Variants in LLGL2 observed in about 807,000 individuals in gnomAD.
The protein encoded by LLGL2 is LLGL2, scribble cell polarity complex component.
In LLGL2, 81 loss-of-function variants were observed where a neutral mutation model predicts 123.2. That is an observed-to-expected ratio of 0.66 (90% CI 0.55 to 0.79). LLGL2 has a LOEUF of 0.79. Ranked by LOEUF, LLGL2 falls within the 30% of genes least tolerant of loss-of-function variation. LLGL2 has a pLI of 0.00. For synonymous variants in LLGL2, 577 were observed against 594.1 expected, an observed-to-expected ratio of 0.97 and a Z score of 0.42; for missense variants, 1,273 against 1,414.6, an observed-to-expected ratio of 0.90 and a Z score of 1.61.
chr17:75,536,542 G>C (rs2054009118), intron 1 of LLGL2, among the ~76,000 whole-genome samples: 1 of 152,198 alleles, frequency 6.6e-6, no homozygotes. Flanking sequence ...TGGCTGGAGA[G>C]GAGCCCACGC....
intron 18 of LLGL2, 34 bp downstream of exon 18, chr17:75,571,817 G>A (rs763417692): frequency 8.1e-6 from 13 of 1,602,076 alleles, no homozygotes; most frequent in Admixed American, 5.0e-5. Flanking sequence ...GAGGGTGCTC[G>A]GGCTGCCTGG....
At chr17:75,539,670 C>A (rs905321571) in intron 1 of LLGL2, among the ~76,000 whole-genome samples, 1 of 149,524 alleles carries the variant, frequency 6.7e-6, no homozygotes, top group Admixed American at 6.7e-5. Flanking sequence ...TGCAGTGGTG[C>A]GATCTCAGCT....
At chr17:75,538,244 G>A (rs1030761330) in intron 1 of LLGL2, among the ~76,000 whole-genome samples, 1 of 152,192 alleles carries the variant, frequency 6.6e-6, no homozygotes, top group African/African-American at 2.4e-5. Flanking sequence ...GAGGGCCAGT[G>A]ACATGGAGGA....
intron 10 of LLGL2, among the ~76,000 whole-genome samples, chr17:75,566,796 G>T (rs1661721): frequency 0.25 from 37,549 of 151,972 alleles, 4,680 homozygotes; most frequent in Non-Finnish European, 0.26. Context: ...TCAGCTGGGC[G>T]GGGATCAAGT....
At position 75,525,909 on chromosome 17, in the gene LLGL2, C is replaced by T. The variant is rs1161929251; in HGVS notation, c.-31+84C>T. On this transcript the variant is annotated intron_variant, in intron 1 of 25. Transcript: ENST00000392550. The surrounding 1 kb of genome is among the most constrained non-coding windows in gnomAD (Gnocchi z 4.8). Reference sequence around the variant, plus strand: ...GCGGGGAGGCCAGGGAGGCCCAGGACCCCTGGGCTGTCGGGCCAGGGCGGG... The same window carrying T: ...GCGGGGAGGCCAGGGAGGCCCAGGATCCCTGGGCTGTCGGGCCAGGGCGGG... 1 of 151,972 alleles carries T rather than the reference C, an allele frequency of 6.6e-6. No homozygotes were observed. Among genetic ancestry groups the T allele is most frequent in the African/African-American group, 2.4e-5 (1 of 41,382 alleles). The allele number at this position is 151,972 out of a possible 1,614,324, so 9.4% of individuals were successfully genotyped here. A position where few individuals can be genotyped will look rare whatever the true frequency, so the allele number is the denominator to read the frequency against.
intron 1 of LLGL2, among the ~76,000 whole-genome samples, chr17:75,541,426 A>G (rs2054202067): frequency 2.6e-5 from 4 of 152,136 alleles, no homozygotes; most frequent in Admixed American, 6.5e-5. Flanking sequence ...CCTCACTTCC[A>G]TTCCAGAAGC....
chr17:75,555,329 G>A lies in LLGL2; in HGVS notation c.76-717G>A, dbSNP rs554501614. On this transcript the variant is annotated intron_variant, in intron 2 of 25. Transcript: ENST00000392550. ...TTTTGAGACGGAGTCTCGCTCTGTCGCCCAGGCTGCTCTGCCTGCCGGGTT... is the reference window on the plus strand; with the variant it reads ...TTTTGAGACGGAGTCTCGCTCTGTCACCCAGGCTGCTCTGCCTGCCGGGTT... Among the ~76,000 whole-genome samples the A allele has an allele frequency of 1.8e-4, 26 of 145,284 alleles. 1 individual carries two copies. The highest frequency in any genetic ancestry group is 1.1e-3 in the South Asian group (5 of 4,644).
rs570621376 is a variant in LLGL2, at chr17:75,555,584, CA to C, written c.76-461del. On this transcript the variant is annotated intron_variant, in intron 2 of 25. Coordinates refer to ENST00000392550, the MANE Select transcript of LLGL2 (RefSeq NM_001031803.2). ...GGACCTGGAAGAGCCCAGAGCAGGGCAGGGCCTCCGCGGTACTCTAGGCCCC... is the reference window on the plus strand; with the variant it reads ...GGACCTGGAAGAGCCCAGAGCAGGGCGGGCCTCCGCGGTACTCTAGGCCCC... Among the ~76,000 whole-genome samples, 114 of 152,282 alleles carry C rather than the reference CA, an allele frequency of 7.5e-4. No individual in the cohort carries two copies. In the Middle Eastern group the frequency reaches 0.031, roughly 41 times the overall value.
chr17:75,530,698 C>T (rs1041890574), intron 1 of LLGL2, among the ~76,000 whole-genome samples: 2 of 151,868 alleles, frequency 1.3e-5, no homozygotes, highest in Middle Eastern at 3.5e-3. Context: ...CACCTGTTGT[C>T]CCAATTACAT....
intron 2 of LLGL2, among the ~76,000 whole-genome samples, chr17:75,550,795 A>C (rs1288862998): frequency 6.6e-6 from 1 of 150,542 alleles, no homozygotes; most frequent in South Asian, 2.1e-4. Context: ...AAAAAAAAAA[A>C]AAAAAAAAAC....
intron 2 of LLGL2, chr17:75,546,450 C>G (rs758512439): frequency 5.7e-6 from 1 of 175,522 alleles, no homozygotes; most frequent in South Asian, 1.1e-4. Flanking sequence ...AGTTCCTGCA[C>G]GAATCGAAGG....
At position 75,563,049 on chromosome 17, in the gene LLGL2, C is replaced by G. The variant is rs755211863; in HGVS notation, c.564C>G (p.Phe188Leu). 8.7e-6 allele frequency: 14 copies of G among 1,612,770 alleles called. No homozygotes were observed. Among genetic ancestry groups the G allele is most frequent in the Non-Finnish European group, 1.2e-5 (14 of 1,180,024 alleles). Reference protein sequence around the residue: ...LPEEARHRRVFEMVEALQEHP... With the variant: ...LPEEARHRRVLEMVEALQEHP... ...AGGAGGCCCGCCACCGGCGTGTGTT[C>G]GAGATGGTGGAGGCACTGCAGGAGC... is the stretch of plus-strand genomic sequence containing the variant. The change falls in exon 7 of 26, where the codon TTC becomes TTG. Residue 188 changes from phenylalanine to leucine, a missense_variant. By Grantham distance (22) the Phe-to-Leu change is conservative. Transcript: ENST00000392550.
rs118079525 is a variant in LLGL2 at position 75,557,130 on chromosome 17, T to C, written c.173+987T>C. ...CTGGGCTCAAGCAACTCTCTCGCCT[T>C]GGCCTCTCAAAATGCTAGGGTTACA... On this transcript the variant is annotated intron_variant, in intron 3 of 25. Transcript: ENST00000392550. Among the ~76,000 whole-genome samples, 870 of 150,786 alleles carry C rather than the reference T, an allele frequency of 5.8e-3. 46 individuals are homozygous for C. The East Asian group carries it at 0.14, about 24-fold the overall frequency.
At chr17:75,527,200 A>G (rs1156470500) in intron 1 of LLGL2, among the ~76,000 whole-genome samples, 3 of 151,142 alleles carry the variant, frequency 2.0e-5, no homozygotes, top group Non-Finnish European at 4.4e-5. Context: ...ATTTGAGGAA[A>G]ACTGTCTGGG....
chr17:75,563,765 C>G lies in LLGL2; in HGVS notation c.840C>G (p.Cys280Trp). ...CTTTCCTTTCAGGTCCCTTTCCTTG[C>G]AAAGCGATTACCAGAATCCTCTGGC... ...RSLVPYGPFP[C>W]KAITRILWLT... The change falls in exon 9 of 26, where the codon TGC (cysteine) becomes TGG (tryptophan). Residue 280 changes from cysteine to tryptophan, a missense_variant. Coordinates refer to ENST00000392550, the MANE Select transcript of LLGL2 (RefSeq NM_001031803.2). The G allele has an allele frequency of 6.2e-7, 1 of 1,614,052 alleles. No homozygotes were observed. Among genetic ancestry groups the G allele is most frequent in the Non-Finnish European group, 8.5e-7 (1 of 1,180,018 alleles).
rs1244545825 is a variant in LLGL2, at chr17:75,570,983, G to A, written c.2059G>A (p.Gly687Ser). 6.2e-7 allele frequency: 1 copy of A among 1,612,440 alleles called. No homozygotes were observed. The highest frequency in any genetic ancestry group is 8.5e-7 in the Non-Finnish European group (1 of 1,179,696). ...QEGSAKAERPGLQNMELAPVQ... is the reference protein window; with the variant it reads ...QEGSAKAERPSLQNMELAPVQ... ...GGGGAGTGCCAAGGCTGAGCGGCCAGGCCTCCAGAACATGGAGCTGGCGCC... is the reference window on the plus strand; with the variant it reads ...GGGGAGTGCCAAGGCTGAGCGGCCAAGCCTCCAGAACATGGAGCTGGCGCC... The change falls in exon 17 of 26, where the codon GGC (glycine) becomes AGC (serine). Residue 687 changes from glycine (G) to serine (S), a missense_variant. Physicochemically the swap from Gly to Ser is moderately conservative, Grantham distance 56. Transcript: ENST00000392550.
intron 6 of LLGL2, chr17:75,562,726 G>T: frequency 2.5e-6 from 1 of 393,036 alleles, no homozygotes; most frequent in East Asian, 4.9e-5. Flanking sequence ...GTGCCACCAC[G>T]CCCAGCTAAT....
intron 2 of LLGL2, among the ~76,000 whole-genome samples, 192 bp downstream of exon 2, chr17:75,543,693 A>G (rs2054302305): frequency 6.6e-6 from 1 of 152,152 alleles, no homozygotes; most frequent in South Asian, 2.1e-4. Context: ...GGTTGCCCTC[A>G]TGAGTTGGGA....
At chr17:75,528,525 G>A (rs1161471602) in intron 1 of LLGL2, among the ~76,000 whole-genome samples, 2 of 152,070 alleles carry the variant, frequency 1.3e-5, no homozygotes, top group African/African-American at 2.4e-5. Flanking sequence ...GATCGCCTGA[G>A]GTCAGGAGTT....
Sources: gnomAD v4.1 joint callset for allele counts (sites outside exome capture counted in the v4.1 genomes callset) on GRCh38, gnomAD v4.1.1 for gene constraint, Gnocchi (gnomAD v3.1) non-coding constraint, MANE v1.5 for transcripts, NCBI Gene and HGNC (gene_info 2026-07-23, HGNC 2026-07-21) for gene names.